Variants in DNAH11 observed in about 807,000 individuals in gnomAD.
The protein encoded by DNAH11 is dynein axonemal heavy chain 11, also known as axonemal beta dynein heavy chain 11.
In DNAH11, 442 loss-of-function variants were observed where a neutral mutation model predicts 526.0. That is an observed-to-expected ratio of 0.84 (90% CI 0.78 to 0.91). DNAH11 has a LOEUF of 0.91. Ranked by LOEUF, DNAH11 falls within the 40% of genes least tolerant of loss-of-function variation. DNAH11 has a pLI of 0.00. For missense variants in DNAH11, 6,989 were observed against 5,448.7 expected (o/e 1.28, Z -8.90); for synonymous variants, 2,461 against 1,935.9 (o/e 1.27, Z -7.12).
At chr7:21,638,562 C>A (rs1373825091) in intron 27 of DNAH11, among the ~76,000 whole-genome samples, 1 of 152,090 alleles carries the variant, frequency 6.6e-6, no homozygotes, top group Non-Finnish European at 1.5e-5. Flanking sequence ...TTACATCTTA[C>A]CAGTGCATTT....
chr7:21,592,117 A>G (rs1784710003), intron 14 of DNAH11, among the ~76,000 whole-genome samples: 1 of 152,168 alleles, frequency 6.6e-6, no homozygotes, highest in Non-Finnish European at 1.5e-5. Context: ...AGCAAACAAC[A>G]CAATGCTCCC....
intron 36 of DNAH11, among the ~76,000 whole-genome samples, chr7:21,702,439 G>A (rs1784103099): frequency 6.6e-6 from 1 of 151,908 alleles, no homozygotes; most frequent in Non-Finnish European, 1.5e-5. Context: ...AGCAAGGGAG[G>A]TGGATGGAGC....
intron 68 of DNAH11, among the ~76,000 whole-genome samples, chr7:21,857,534 GAA>G (rs71026827): frequency 3.3e-4 from 49 of 147,234 alleles, no homozygotes; most frequent in African/African-American, 9.3e-4. Context: ...TTTTGAAAAA[GAA>G]AAAAAAAAAC....
chr7:21,779,255 A>T (rs1787830904), intron 57 of DNAH11, among the ~76,000 whole-genome samples, 151 bp downstream of exon 57: 1 of 152,206 alleles, frequency 6.6e-6, no homozygotes, highest in Admixed American at 6.5e-5. Flanking sequence ...TCACACCGTG[A>T]TTACCACTTG....
Position 21,739,662 on chromosome 7 carries a change from C to T in DNAH11, c.7903C>T (p.Pro2635Ser), listed in dbSNP as rs572404327. 7 of 1,611,446 alleles carry T rather than the reference C, an allele frequency of 4.3e-6. No individual in the cohort carries two copies. In the East Asian group the frequency reaches 6.7e-5, roughly 15 times the overall value. Residue 2635 changes from proline (P) to serine (S), a missense_variant, in exon 48 of 82, where the codon CCC becomes TCC. Transcript: ENST00000409508. ...NPMVGSFTIN[P>S]RLQRHFTVFA... Reference sequence around the variant, plus strand: ...GATGGTGGGCAGCTTCACCATCAATCCCAGGCTACAGGTAGGGTGTTGAAT... The same window carrying T: ...GATGGTGGGCAGCTTCACCATCAATTCCAGGCTACAGGTAGGGTGTTGAAT...
intron 73 of DNAH11, among the ~76,000 whole-genome samples, chr7:21,872,134 A>AAAAAAAAAACAAAC (rs1562595908): frequency 9.0e-5 from 10 of 111,606 alleles, no homozygotes; most frequent in Non-Finnish European, 1.2e-4. Flanking sequence ...AAAAAAAAAA[A>AAAAAAAAAACAAAC]AAAAAAAAAA....
chr7:21,613,223 T>C (rs1785606571), intron 20 of DNAH11, among the ~76,000 whole-genome samples: 1 of 152,202 alleles, frequency 6.6e-6, no homozygotes, highest in South Asian at 2.1e-4. Flanking sequence ...ATGTGATATA[T>C]GTAGTAAACT....
chr7:21,893,001 T>G (rs1471747410), intron 77 of DNAH11, among the ~76,000 whole-genome samples: 1 of 152,246 alleles, frequency 6.6e-6, no homozygotes, highest in Non-Finnish European at 1.5e-5. Flanking sequence ...GATTCATCCA[T>G]GTTGTTCATG....
chr7:21,577,398 T>C (rs1264258466), intron 8 of DNAH11, among the ~76,000 whole-genome samples: 1 of 152,088 alleles, frequency 6.6e-6, no homozygotes, highest in Non-Finnish European at 1.5e-5. Flanking sequence ...GATGACCACA[T>C]AGGGAGCCAT....
intron 28 of DNAH11, among the ~76,000 whole-genome samples, chr7:21,654,696 G>A (rs1326460837): frequency 6.6e-6 from 1 of 152,170 alleles, no homozygotes; most frequent in Non-Finnish European, 1.5e-5. Flanking sequence ...TTTGCACCGT[G>A]AATAACAAGG....
At chr7:21,817,204 A>G (rs1368610112) in intron 64 of DNAH11, among the ~76,000 whole-genome samples, 1 of 152,150 alleles carries the variant, frequency 6.6e-6, no homozygotes, top group African/African-American at 2.4e-5. Flanking sequence ...ATCTACTCCA[A>G]GAATTTCTGT....
intron 66 of DNAH11, among the ~76,000 whole-genome samples, chr7:21,844,309 G>A (rs111637269): frequency 6.6e-5 from 10 of 152,200 alleles, no homozygotes; most frequent in East Asian, 3.9e-4. Context: ...AACCGTAGCC[G>A]CAGCTACTGA....
intron 27 of DNAH11, 66 bp from the exon 28 acceptor site, chr7:21,638,873 T>C: frequency 1.3e-6 from 2 of 1,540,560 alleles, no homozygotes; most frequent in Non-Finnish European, 1.7e-6. Context: ...ACTTGAGTTT[T>C]GTTTTGCCGA....
intron 62 of DNAH11, among the ~76,000 whole-genome samples, chr7:21,806,908 T>C (rs1789286223): frequency 6.6e-6 from 1 of 152,200 alleles, no homozygotes; most frequent in Non-Finnish European, 1.5e-5. Context: ...GGGAGTATTG[T>C]GAAGTCCTGA....
chr7:21,765,310 T>G (rs1007251117), intron 54 of DNAH11, 118 bp from the exon 55 acceptor site: 3 of 1,434,486 alleles, frequency 2.1e-6, no homozygotes, highest in Non-Finnish European at 2.9e-6. Context: ...TCTAGGGCTT[T>G]AGGGTAGTTT....
chr7:21,726,935 C>CT (rs1330445927), intron 45 of DNAH11, among the ~76,000 whole-genome samples: 555 of 31,968 alleles, frequency 0.017, 144 homozygotes, highest in African/African-American at 0.073. Context: ...ATCCTCTTTT[C>CT]TTTTTTTTTT....
At chr7:21,762,042 T>A (rs1021476933) in intron 54 of DNAH11, among the ~76,000 whole-genome samples, 2 of 152,014 alleles carry the variant, frequency 1.3e-5, no homozygotes, top group Non-Finnish European at 2.9e-5. Context: ...GCAGGGGAAA[T>A]GCCAGATGCT....
At chr7:21,739,286 G>A (rs1454987538) in intron 47 of DNAH11, among the ~76,000 whole-genome samples, 3 of 152,148 alleles carry the variant, frequency 2.0e-5, no homozygotes, top group Admixed American at 6.6e-5. Context: ...GTCTTGCTAT[G>A]GGTACAAGAT....
chr7:21,850,937 T>C (rs866274464), intron 66 of DNAH11, among the ~76,000 whole-genome samples: 1 of 152,210 alleles, frequency 6.6e-6, no homozygotes, highest in African/African-American at 2.4e-5. Flanking sequence ...TAAGGTATTA[T>C]GGAGGGGAAG....
Sources: gnomAD v4.1 joint callset for allele counts (sites outside exome capture counted in the v4.1 genomes callset) on GRCh38, gnomAD v4.1.1 for gene constraint, MANE v1.5 for transcripts, NCBI Gene and HGNC (gene_info 2026-07-23, HGNC 2026-07-21) for gene names.